MCTP1: variants seen among roughly 807,000 people sequenced by gnomAD.
MCTP1 encodes the protein multiple C2 and transmembrane domain-containing protein 1.
MCTP1 carries 69 observed loss-of-function variants against 120.6 expected under a neutral mutation model. The observed-to-expected ratio is 0.57, with a 90% CI of 0.47 to 0.70. The LOEUF (loss-of-function observed/expected upper bound fraction) is 0.70, where lower values mean the gene tolerates loss of function less well. Ranked by LOEUF, MCTP1 falls within the 30% of genes least tolerant of loss-of-function variation. MCTP1 has a pLI of 0.00. For synonymous variants in MCTP1, 529 were observed against 493.1 expected (o/e 1.07, Z -0.96); for missense variants, 1,203 against 1,248.8 (o/e 0.96, Z 0.55).
chr5:95,093,920 G>A (rs1003479821), intron 1 of MCTP1, among the ~76,000 whole-genome samples: 1 of 152,336 alleles, frequency 6.6e-6, no homozygotes, highest in East Asian at 1.9e-4. Context: ...ACCCAAGCAA[G>A]CTCATGGAGA....
chr5:94,733,670 A>C (rs1763566797), intron 19 of MCTP1, among the ~76,000 whole-genome samples: 1 of 152,274 alleles, frequency 6.6e-6, no homozygotes, highest in African/African-American at 2.4e-5. Context: ...TGTTACAGAA[A>C]ATACCTCAGT....
chr5:94,971,376 TG>T lies in MCTP1; in HGVS notation c.839-18016del, dbSNP rs374634687. ...ACAATGAATGCAATTTAAAAAAAAA[TG>T]GGGCAGAGCATCATTTGTTAAGTGT... is the stretch of plus-strand genomic sequence containing the variant. On this transcript the variant is annotated intron_variant, in intron 2 of 22. Coordinates refer to ENST00000515393, the MANE Select transcript of MCTP1 (RefSeq NM_024717.7). 1.6e-3 allele frequency among the ~76,000 whole-genome samples: 236 copies of T among 152,070 alleles called. 1 individual carries two copies. Among genetic ancestry groups the T allele is most frequent in the African/African-American group, 5.0e-3 (206 of 41,516 alleles).
chr5:94,843,495 A>G (rs1000344615), intron 17 of MCTP1, among the ~76,000 whole-genome samples: 1 of 152,252 alleles, frequency 6.6e-6, no homozygotes, highest in Non-Finnish European at 1.5e-5. Flanking sequence ...GGGATAAGAA[A>G]GGAGTGTACG....
At chr5:94,714,151 T>A (rs968821768) in intron 20 of MCTP1, among the ~76,000 whole-genome samples, 16 of 152,174 alleles carry the variant, frequency 1.1e-4, no homozygotes, top group Admixed American at 9.2e-4. Flanking sequence ...AGTTTCTTAA[T>A]TTTGCATTAG....
At position 94,786,850 on chromosome 5, in the gene MCTP1, A is replaced by G. The variant is rs1777831720; in HGVS notation, c.2557-7687T>C. ...ATTTAAATTCATCAGTCCATTAAAT[A>G]TTAAAATTATGTTTCTGATGCAATC... On this transcript the variant is annotated intron_variant, in intron 18 of 22. Transcript: ENST00000515393. 2.0e-5 allele frequency among the ~76,000 whole-genome samples: 3 copies of G among 152,342 alleles called. No homozygotes were observed. In the South Asian group the frequency reaches 6.2e-4, roughly 32 times the overall value.
chr5:95,211,081 G>C lies in MCTP1; in HGVS notation c.720+72775C>G, dbSNP rs569768334. The stretch of plus-strand genomic sequence containing the variant: ...ATGGGCTTCCCTTTGTGGGTAACCC[G>C]ACCTTTCTCTCTGGCTGCCCTTAAC... On this transcript the variant is annotated intron_variant, in intron 1 of 22. Transcript: ENST00000515393. Among the ~76,000 whole-genome samples, 553 of 152,064 alleles carry C rather than the reference G, an allele frequency of 3.6e-3. 4 individuals carry two copies. The highest frequency in any genetic ancestry group is 0.012 in the African/African-American group (512 of 41,468).
chr5:95,147,929 G>A (rs1760549213), intron 1 of MCTP1, among the ~76,000 whole-genome samples: 1 of 152,166 alleles, frequency 6.6e-6, no homozygotes, highest in Non-Finnish European at 1.5e-5. Flanking sequence ...GCTTGTCTGA[G>A]AAGAATTTTA....
At chr5:94,960,625 T>C (rs1356835489) in intron 2 of MCTP1, among the ~76,000 whole-genome samples, 3 of 152,172 alleles carry the variant, frequency 2.0e-5, no homozygotes, top group Admixed American at 1.3e-4. Flanking sequence ...CAGATACTTT[T>C]CAAAAGAAGA....
intron 17 of MCTP1, among the ~76,000 whole-genome samples, chr5:94,802,432 G>A (rs1781412366): frequency 6.6e-6 from 1 of 152,096 alleles, no homozygotes; most frequent in Non-Finnish European, 1.5e-5. Flanking sequence ...TAGCTGGTGA[G>A]GCTCCTCTAA....
At chr5:95,034,569 T>C (rs1226512187) in intron 1 of MCTP1, among the ~76,000 whole-genome samples, 1 of 151,974 alleles carries the variant, frequency 6.6e-6, no homozygotes, top group Non-Finnish European at 1.5e-5. Context: ...ATATAAAAAT[T>C]TATTCAAGAT....
chr5:95,088,602 G>C (rs888881940), intron 1 of MCTP1, among the ~76,000 whole-genome samples: 3 of 152,136 alleles, frequency 2.0e-5, no homozygotes, highest in Non-Finnish European at 4.4e-5. Flanking sequence ...AACAAGTAGC[G>C]GAGTTGGGAT....
intron 1 of MCTP1, among the ~76,000 whole-genome samples, chr5:95,206,356 C>T (rs986674804): frequency 4.6e-5 from 7 of 151,954 alleles, no homozygotes; most frequent in Non-Finnish European, 8.8e-5. Flanking sequence ...GTTCAGGGGA[C>T]TGGAGGTAAT....
At chr5:95,044,419 C>T (rs1582001392) in intron 1 of MCTP1, among the ~76,000 whole-genome samples, 3 of 152,162 alleles carry the variant, frequency 2.0e-5, no homozygotes, top group Admixed American at 2.0e-4. Flanking sequence ...CCATTTCCCA[C>T]GATGTGATCT....
chr5:94,877,076 A>G (rs1799047162), intron 12 of MCTP1, among the ~76,000 whole-genome samples: 1 of 151,986 alleles, frequency 6.6e-6, no homozygotes, highest in African/African-American at 2.4e-5. Context: ...ATGCTATTCT[A>G]TAACTCCAGA....
chr5:94,928,217 C>CACACACACACAT (rs1208825862), intron 6 of MCTP1, among the ~76,000 whole-genome samples: 1 of 64,100 alleles, frequency 1.6e-5, no homozygotes, highest in Non-Finnish European at 4.1e-5. Flanking sequence ...AAAACACACA[C>CACACACACACAT]ACACACACAC....
chr5:94,904,738 G>C (rs1180644000), intron 10 of MCTP1, among the ~76,000 whole-genome samples: 3 of 152,094 alleles, frequency 2.0e-5, no homozygotes, highest in Non-Finnish European at 4.4e-5. Flanking sequence ...ATTAATGCCT[G>C]GTGTCAGATC....
intron 1 of MCTP1, among the ~76,000 whole-genome samples, chr5:95,206,783 C>T (rs1023003826): frequency 6.6e-6 from 1 of 152,100 alleles, no homozygotes; most frequent in Non-Finnish European, 1.5e-5. Flanking sequence ...TGATCCACCC[C>T]CCTCGGCCTC....
At chr5:94,779,210 A>C in intron 18 of MCTP1, 47 bp from the exon 19 acceptor site, 2 of 1,519,280 alleles carry the variant, frequency 1.3e-6, no homozygotes, top group South Asian at 2.2e-5. Flanking sequence ...AAAGGAGAGA[A>C]TTTTGTTCTG....
At chr5:94,986,817 C>A (rs2153607248) in intron 2 of MCTP1, among the ~76,000 whole-genome samples, 1 of 152,082 alleles carries the variant, frequency 6.6e-6, no homozygotes, top group African/African-American at 2.4e-5. Context: ...GGCCTAGGTC[C>A]ATTTGTGTTT....
Sources: gnomAD v4.1 joint callset for allele counts (sites outside exome capture counted in the v4.1 genomes callset) on GRCh38, gnomAD v4.1.1 for gene constraint, MANE v1.5 for transcripts, NCBI Gene and HGNC (gene_info 2026-07-23, HGNC 2026-07-21) for gene names.